Variants in SORBS2 observed in about 807,000 individuals in gnomAD.
The protein encoded by SORBS2 is sorbin and SH3 domain containing 2, also known as sorbin and SH3 domain-containing protein 2.
In SORBS2, 46 loss-of-function variants were observed where a neutral mutation model predicts 97.7. The observed-to-expected ratio is 0.47, with a 90% CI of 0.37 to 0.60. The LOEUF (loss-of-function observed/expected upper bound fraction) is 0.60, where lower values mean the gene tolerates loss of function less well. Among genes scored for constraint, SORBS2 ranks in the 20% least tolerant of loss-of-function variants. The probability of loss-of-function intolerance (pLI) is 0.00; values close to 1 mark genes in which losing one functional copy is unlikely to be tolerated. For synonymous variants in SORBS2, 476 were observed against 473.4 expected (o/e 1.01, Z -0.07); for missense variants, 1,316 against 1,282.3 (o/e 1.03, Z -0.40).
chr4:185,694,053 T>C (rs2098135552), intron 2 of SORBS2, among the ~76,000 whole-genome samples: 1 of 152,216 alleles, frequency 6.6e-6, no homozygotes, highest in Non-Finnish European at 1.5e-5. Flanking sequence ...ATCCCAGTGA[T>C]TGAGCTCTCA....
chr4:185,843,316 C>G (rs2099212710), intron 1 of SORBS2, among the ~76,000 whole-genome samples: 1 of 152,130 alleles, frequency 6.6e-6, no homozygotes, highest in South Asian at 2.1e-4. Context: ...TCCACTTTCA[C>G]CATTCCTATT....
intron 4 of SORBS2, among the ~76,000 whole-genome samples, chr4:185,636,015 T>C (rs2096992735): frequency 6.6e-6 from 1 of 152,030 alleles, no homozygotes; most frequent in African/African-American, 2.4e-5. Flanking sequence ...TACGCCACCA[T>C]GCCCAGCTAA....
chr4:185,813,368 T>C (rs1204200911), intron 1 of SORBS2, among the ~76,000 whole-genome samples: 1 of 152,116 alleles, frequency 6.6e-6, no homozygotes, highest in Non-Finnish European at 1.5e-5. Flanking sequence ...CTCCCCTTCC[T>C]CCCCAACCGG....
chr4:185,677,502 G>T, intron 4 of SORBS2: 1 of 1,551,638 alleles, frequency 6.4e-7, no homozygotes, highest in Non-Finnish European at 8.7e-7. Context: ...TCCCTGAAGA[G>T]GTTTTTTGTT....
At chr4:185,746,887 C>T (rs1032525200) in intron 2 of SORBS2, among the ~76,000 whole-genome samples, 2 of 152,280 alleles carry the variant, frequency 1.3e-5, no homozygotes, top group East Asian at 3.9e-4. Context: ...AGGACTGGCC[C>T]CCTAGGACCT....
chr4:185,686,364 G>C (rs559891295), intron 2 of SORBS2, among the ~76,000 whole-genome samples: 116 of 152,196 alleles, frequency 7.6e-4, no homozygotes, highest in African/African-American at 2.3e-3. Context: ...CTTTTTTAAA[G>C]TATATGTTTA....
chr4:185,927,435 C>A (rs574259288), intron 1 of SORBS2, among the ~76,000 whole-genome samples: 3 of 151,662 alleles, frequency 2.0e-5, no homozygotes, highest in Admixed American at 2.0e-4. Flanking sequence ...TCTCCCTCCC[C>A]TTGCCCCCCA....
At chr4:185,952,166 A>G (rs1240378223) in intron 1 of SORBS2, among the ~76,000 whole-genome samples, 2 of 152,086 alleles carry the variant, frequency 1.3e-5, no homozygotes, top group African/African-American at 2.4e-5. Context: ...CTGGGATCAC[A>G]GGCGTGTGCC....
chr4:185,682,589 A>G (rs1258009023), intron 2 of SORBS2, among the ~76,000 whole-genome samples: 1 of 152,234 alleles, frequency 6.6e-6, no homozygotes, highest in Non-Finnish European at 1.5e-5. Flanking sequence ...GAAGGCAATA[A>G]ATATTTATCA....
chr4:185,945,391 T>C (rs771975329), intron 1 of SORBS2, among the ~76,000 whole-genome samples: 1 of 152,250 alleles, frequency 6.6e-6, no homozygotes, highest in Non-Finnish European at 1.5e-5. Flanking sequence ...TTTTTAGCTA[T>C]GTCTTTAAAT....
At chr4:185,707,108 A>G (rs1040227412) in intron 2 of SORBS2, among the ~76,000 whole-genome samples, 1 of 152,248 alleles carries the variant, frequency 6.6e-6, no homozygotes, top group Non-Finnish European at 1.5e-5. Context: ...TTACATGTAT[A>G]TTAATTACAT....
At chr4:185,666,114 A>C in intron 4 of SORBS2, 2 of 1,289,748 alleles carry the variant, frequency 1.6e-6, no homozygotes, top group African/African-American at 3.0e-5. Flanking sequence ...CCACGGAAGG[A>C]GGGCACGGAG....
chr4:185,782,994 G>A (rs532717555), intron 1 of SORBS2, among the ~76,000 whole-genome samples: 10 of 152,280 alleles, frequency 6.6e-5, no homozygotes, highest in South Asian at 4.1e-4. Context: ...AGCATGAAAC[G>A]TATCTTTTCT....
chr4:185,667,365 G>A (rs2097627313), intron 4 of SORBS2, among the ~76,000 whole-genome samples: 1 of 152,094 alleles, frequency 6.6e-6, no homozygotes, highest in African/African-American at 2.4e-5. Context: ...CACGTTGTTA[G>A]CATAATAAAA....
At chr4:185,681,396 G>A (rs2097864268) in intron 2 of SORBS2, among the ~76,000 whole-genome samples, 2 of 145,298 alleles carry the variant, frequency 1.4e-5, no homozygotes, top group African/African-American at 2.7e-5. Flanking sequence ...AGAGAATATA[G>A]GTTAGAAAAA....
At chr4:185,653,810 AC>A (rs1273854692) in intron 1 of SORBS2, among the ~76,000 whole-genome samples, 11 of 152,190 alleles carry the variant, frequency 7.2e-5, no homozygotes, top group Admixed American at 2.0e-4. Flanking sequence ...GCAAGATCTT[AC>A]CCCAACTCTC....
At chr4:185,926,064 G>A (rs988483913) in intron 1 of SORBS2, among the ~76,000 whole-genome samples, 8 of 152,198 alleles carry the variant, frequency 5.3e-5, no homozygotes, top group Non-Finnish European at 1.2e-4. Flanking sequence ...TGCAGACAGC[G>A]AGGTGGAGAG....
intron 5 of SORBS2, 54 bp downstream of exon 8, chr4:185,662,050 T>C: frequency 6.3e-7 from 1 of 1,599,280 alleles, no homozygotes; most frequent in Non-Finnish European, 8.6e-7. Flanking sequence ...TCTCCTGTGG[T>C]TGTACTTGCC....
At chr4:185,873,640 T>C (rs1256289850) in intron 1 of SORBS2, among the ~76,000 whole-genome samples, 1 of 152,192 alleles carries the variant, frequency 6.6e-6, no homozygotes, top group Non-Finnish European at 1.5e-5. Context: ...TCTCTGCTTC[T>C]ACATAAAAAA....
Sources: gnomAD v4.1 joint callset for allele counts (sites outside exome capture counted in the v4.1 genomes callset) on GRCh38, gnomAD v4.1.1 for gene constraint, MANE v1.5 for transcripts, NCBI Gene and HGNC (gene_info 2026-07-23, HGNC 2026-07-21) for gene names.